EVC: variants seen among roughly 807,000 people sequenced by gnomAD.
EVC encodes the protein EvC ciliary complex subunit 1.
Under a neutral mutation model 118.9 loss-of-function variants are expected in EVC, and 116 were observed. That is an observed-to-expected ratio of 0.98 (90% CI 0.84 to 1.14). The LOEUF is 1.14. Among genes scored for constraint, EVC ranks in the 50% most tolerant of loss-of-function variants. EVC has a pLI of 0.00. For synonymous variants in EVC, 619 were observed against 534.7 expected (o/e 1.16, Z -2.18); for missense variants, 1,401 against 1,246.4 (o/e 1.12, Z -1.87).
the EVC span, chr4:5,825,412 G>A: frequency 6.7e-7 from 1 of 1,492,566 alleles, no homozygotes; most frequent in Non-Finnish European, 8.9e-7. The surrounding 1 kb of genome is among the most constrained non-coding windows in gnomAD (Gnocchi z 4.4). Context: ...AAGGCCACGT[G>A]TCCATTTCCT....
rs1397539769 is a variant in EVC, at chr4:5,752,856, G to A, written c.1119G>A (p.Met373Ile). 1.9e-6 allele frequency: 3 copies of A among 1,614,228 alleles called. No individual in the cohort carries two copies. The highest frequency in any genetic ancestry group is 1.7e-5 in the Admixed American group (1 of 60,034). Residue 373 changes from methionine (M) to isoleucine (I), a missense_variant, in exon 9 of 21, where the codon ATG becomes ATA. Physicochemically the swap from Met to Ile is conservative, Grantham distance 10 (BLOSUM62 1). Coordinates refer to ENST00000264956, the MANE Select transcript of EVC (RefSeq NM_153717.3). Reference protein sequence around the residue: ...LQALDALERTMGRAHMAKVIE... With the variant: ...LQALDALERTIGRAHMAKVIE... ...TGCAGGACGCCCTGGAGAGGACGAT[G>A]GGGCGGGCGCACATGGCAAAAGTGA...
chr4:5,825,037 T>C, the EVC span: 47,753 of 985,058 alleles, frequency 0.048, 2,334 homozygotes, highest in African/African-American at 0.23. This position sits in a 1 kb window ranked among gnomAD's most constrained non-coding sequence, Gnocchi z 4.4. Context: ...CTTTATGGAG[T>C]AGTGAGGATA....
chr4:5,749,967 A>T lies in EVC; in HGVS notation c.1098+1661A>T, dbSNP rs915750411. Reference sequence around the variant, plus strand: ...ATCCTGTCCTCCACCCTTCCCAAGCAGGATCTGCACTTTAACAAGACCCCC... The same window carrying T: ...ATCCTGTCCTCCACCCTTCCCAAGCTGGATCTGCACTTTAACAAGACCCCC... On this transcript the variant is annotated intron_variant, in intron 8 of 20. Coordinates refer to ENST00000264956, the MANE Select transcript of EVC (RefSeq NM_153717.3). The surrounding 1 kb of genome is among the most constrained non-coding windows in gnomAD (Gnocchi z 4.4). 6.6e-6 allele frequency among the ~76,000 whole-genome samples: 1 copy of T among 152,190 alleles called. No homozygotes were observed. The highest frequency in any genetic ancestry group is 1.5e-5 in the Non-Finnish European group (1 of 68,028).
At chr4:5,792,867 G>A (rs1713054281) in intron 12 of EVC, among the ~76,000 whole-genome samples, 1 of 152,142 alleles carries the variant, frequency 6.6e-6, no homozygotes, top group East Asian at 1.9e-4. Flanking sequence ...AAGGGCTTAA[G>A]GGAGACGTTT....
rs1728678869 is a variant in EVC, at chr4:5,742,068, G to GT, written c.801+261dup. Among the ~76,000 whole-genome samples, 1 of 152,046 alleles carries GT rather than the reference G, an allele frequency of 6.6e-6. No homozygotes were observed. Among genetic ancestry groups the GT allele is most frequent in the Non-Finnish European group, 1.5e-5 (1 of 67,982 alleles). On this transcript the variant is annotated intron_variant, in intron 6 of 20. Coordinates refer to ENST00000264956, the MANE Select transcript of EVC (RefSeq NM_153717.3). The surrounding 1 kb of genome is among the most constrained non-coding windows in gnomAD (Gnocchi z 5.2). ...CTACTCAAAGACGGTCACTGTTAAT[G>GT]TTTTTTTCTGCACACATTTGGGATA... is the stretch of plus-strand genomic sequence containing the variant.
chr4:5,761,403 T>G (rs1198674822), intron 11 of EVC, among the ~76,000 whole-genome samples: 1 of 150,298 alleles, frequency 6.7e-6, no homozygotes, highest in African/African-American at 2.5e-5. Context: ...AGCTCGAGGG[T>G]GCACCTGGAA....
At chr4:5,778,851 C>T (rs1735143524) in intron 11 of EVC, among the ~76,000 whole-genome samples, 1 of 152,056 alleles carries the variant, frequency 6.6e-6, no homozygotes, top group African/African-American at 2.4e-5. Context: ...TTAATTAGAT[C>T]CCATTTGTGA....
chr4:5,784,186 T>C (rs1034068585), intron 12 of EVC, among the ~76,000 whole-genome samples: 6 of 152,044 alleles, frequency 3.9e-5, no homozygotes, highest in African/African-American at 7.2e-5. Flanking sequence ...CTCAAAGATA[T>C]CTATGCTGTG....
chr4:5,745,311 G>GA lies in EVC; in HGVS notation c.910dup (p.Arg304LysfsTer5), dbSNP rs1428798262. ...CCCTGGCTGATGTGGAAAAGAAGGA[G>GA]AGAGAATACTCTGAACAGCTAATCG... On this transcript the variant is annotated frameshift_variant, in exon 7 of 21. Transcript: ENST00000264956. LOFTEE classifies it high-confidence loss of function. 1.2e-5 allele frequency: 20 copies of GA among 1,614,042 alleles called. No individual in the cohort carries two copies. Among genetic ancestry groups the GA allele is most frequent in the Non-Finnish European group, 1.7e-5 (20 of 1,179,916 alleles).
intron 19 of EVC, 53 bp downstream of exon 19, chr4:5,809,664 C>T (rs527883035): frequency 9.9e-5 from 149 of 1,503,840 alleles, no homozygotes; most frequent in Middle Eastern, 3.4e-4. Context: ...CTGAGAGATA[C>T]GGATTCTAGT....
chr4:5,818,213 G>T (rs1210863138), downstream of EVC, among the ~76,000 whole-genome samples: 2 of 152,144 alleles, frequency 1.3e-5, no homozygotes, highest in Non-Finnish European at 2.9e-5. Context: ...TCATGAAGAC[G>T]TGCCTTCTGC....
chr4:5,731,458 C>T lies in EVC; in HGVS notation c.418C>T (p.His140Tyr). 6.2e-7 allele frequency: 1 copy of T among 1,613,446 alleles called. No individual in the cohort carries two copies. The highest frequency in any genetic ancestry group is 8.5e-7 in the Non-Finnish European group (1 of 1,179,918). Residue 140 changes from histidine (H) to tyrosine (Y), a missense_variant, in exon 4 of 21, where the codon CAT becomes TAT. Coordinates refer to ENST00000264956, the MANE Select transcript of EVC (RefSeq NM_153717.3). This position sits in a 1 kb window ranked among gnomAD's most constrained non-coding sequence, Gnocchi z 5.6. ...CGATGGCTCCTCCAACCCGTCTCTG[C>T]ATGAAAACTTAAAGCAGGCTGTTTT... ...LADGSSNPSL[H>Y]ENLKQAVLPH... is the part of the protein sequence containing the mutation.
intron 13 of EVC, among the ~76,000 whole-genome samples, chr4:5,795,745 A>G (rs1337824891): frequency 6.6e-6 from 1 of 152,226 alleles, no homozygotes; most frequent in Admixed American, 6.5e-5. Flanking sequence ...ACAGAGAGCG[A>G]TTGGGGAATT....
At chr4:5,726,657 G>T (rs1725878730) in intron 2 of EVC, among the ~76,000 whole-genome samples, 1 of 148,152 alleles carries the variant, frequency 6.7e-6, no homozygotes, top group Admixed American at 6.8e-5. Context: ...TGCCATGCTG[G>T]TGCGCTGCAC....
chr4:5,744,294 G>A lies in EVC; in HGVS notation c.802-910G>A, dbSNP rs774597009. Among the ~76,000 whole-genome samples the A allele has an allele frequency of 2.2e-4, 33 of 152,240 alleles. 1 individual carries two copies. Among genetic ancestry groups the A allele is most frequent in the African/African-American group, 2.4e-4 (10 of 41,544 alleles). On this transcript the variant is annotated intron_variant, in intron 6 of 20. Transcript: ENST00000264956. ...ATAATTTCTCTTTCACAGAGATGCC[G>A]TGAGGATTAGAAATCACATATGGCC...
At chr4:5,804,698 A>T in intron 16 of EVC, 32 bp from the exon 17 acceptor site, 1 of 1,598,718 alleles carries the variant, frequency 6.3e-7, no homozygotes, top group Non-Finnish European at 8.6e-7. Context: ...CTCCAAACAG[A>T]CCCCTTGATT....
At chr4:5,790,001 C>T (rs28587100) in intron 12 of EVC, among the ~76,000 whole-genome samples, 3,218 of 151,968 alleles carry the variant, frequency 0.021, 103 homozygotes, top group African/African-American at 0.074. Flanking sequence ...GCCTACATAG[C>T]GAAACCCCAT....
rs957860119 is a variant in EVC, at chr4:5,719,882, A to G, written c.300+509A>G. 4.6e-5 allele frequency among the ~76,000 whole-genome samples: 7 copies of G among 152,154 alleles called. No individual in the cohort carries two copies. Among genetic ancestry groups the G allele is most frequent in the African/African-American group, 1.4e-4 (6 of 41,424 alleles). On this transcript the variant is annotated intron_variant, in intron 2 of 20. Coordinates refer to ENST00000264956, the MANE Select transcript of EVC (RefSeq NM_153717.3). The surrounding 1 kb of genome is among the most constrained non-coding windows in gnomAD (Gnocchi z 4.7). ...TGTTGATTGCTCACTGTTTGTGTGT[A>G]TTTCATTGGCAGACCGGGCTGTTTT...
At chr4:5,792,111 A>G (rs372664659) in intron 12 of EVC, among the ~76,000 whole-genome samples, 1,688 of 80,850 alleles carry the variant, frequency 0.021, 35 homozygotes, top group African/African-American at 0.057. Context: ...TAAAAGAGAA[A>G]AACATTGGGA....
Sources: allele counts gnomAD v4.1 joint callset (sites outside exome capture counted in the v4.1 genomes callset), GRCh38; gene constraint gnomAD v4.1.1; non-coding constraint Gnocchi (gnomAD v3.1); transcripts MANE v1.5; gene names NCBI Gene and HGNC (gene_info 2026-07-23, HGNC 2026-07-21).